Variants in DLGAP2 observed in about 807,000 individuals in gnomAD.
DLGAP2 encodes DLG associated protein 2, also known as disks large-associated protein 2.
A neutral mutation model predicts 100.3 loss-of-function variants in DLGAP2; 26 were observed. That is an observed-to-expected ratio of 0.26 (90% CI 0.19 to 0.36). The LOEUF (loss-of-function observed/expected upper bound fraction) is 0.36. DLGAP2 is among the 10% of genes least tolerant of loss of function. The pLI, the probability that DLGAP2 is intolerant of heterozygous loss-of-function variation, is 1.00. For missense variants in DLGAP2, 1,858 were observed against 1,453.2 expected, an observed-to-expected ratio of 1.28 and a Z score of -4.53; for synonymous variants, 886 against 630.1, an observed-to-expected ratio of 1.41 and a Z score of -6.08.
At chr8:783,841 G>A (rs1821765338) in intron 1 of DLGAP2, among the ~76,000 whole-genome samples, 1 of 152,166 alleles carries the variant, frequency 6.6e-6, no homozygotes, top group African/African-American at 2.4e-5. Context: ...GGTGAAGTTA[G>A]TGACTCTAAT....
At chr8:1,674,581 TCC>T (rs1563055665) in intron 10 of DLGAP2, among the ~76,000 whole-genome samples, 1 of 152,232 alleles carries the variant, frequency 6.6e-6, no homozygotes, top group Non-Finnish European at 1.5e-5. Flanking sequence ...AAACGAGTGT[TCC>T]TTTTACAAAA....
intron 2 of DLGAP2, among the ~76,000 whole-genome samples, chr8:948,731 C>G (rs979244166): frequency 6.6e-6 from 1 of 152,256 alleles, no homozygotes; most frequent in Non-Finnish European, 1.5e-5. Flanking sequence ...ACCCTTCTCA[C>G]TGCCCCTGGG....
At chr8:740,615 C>G (rs1177200561) in intron 1 of DLGAP2, among the ~76,000 whole-genome samples, 1 of 152,064 alleles carries the variant, frequency 6.6e-6, no homozygotes, top group Non-Finnish European at 1.5e-5. Flanking sequence ...TTCTGTGTAC[C>G]CAGAACCCAA....
At chr8:1,686,403 C>T (rs1799115973) in intron 12 of DLGAP2, among the ~76,000 whole-genome samples, 1 of 152,206 alleles carries the variant, frequency 6.6e-6, no homozygotes, top group Non-Finnish European at 1.5e-5. Flanking sequence ...CGCAGTGGCT[C>T]ATGCCTGTAA....
chr8:1,698,211 CAG>C (rs1799453142), intron 14 of DLGAP2, among the ~76,000 whole-genome samples: 3 of 152,178 alleles, frequency 2.0e-5, no homozygotes, highest in African/African-American at 7.2e-5. Context: ...TCCCAGACGA[CAG>C]GGGAGTGAGG....
chr8:1,132,903 T>C lies in DLGAP2; in HGVS notation c.74-125948T>C, dbSNP rs28589535. Among the ~76,000 whole-genome samples the C allele has an allele frequency of 4.1e-3, 624 of 152,302 alleles. 2 individuals are homozygous for C. The highest frequency in any genetic ancestry group is 6.6e-3 in the Non-Finnish European group (446 of 68,018). On this transcript the variant is annotated intron_variant, in intron 2 of 14. Coordinates refer to ENST00000637795, the MANE Select transcript of DLGAP2 (RefSeq NM_001346810.2). ...AAGAAGAGAAGCTTTGTTTAAAAAT[T>C]TGGGGGTCAACAGAAAAATGTTAAC... is the stretch of plus-strand genomic sequence containing the variant.
At chr8:1,275,859 T>TATAAATATATATAATAA (rs1563056313) in intron 3 of DLGAP2, among the ~76,000 whole-genome samples, 65 of 119,982 alleles carry the variant, frequency 5.4e-4, no homozygotes, top group African/African-American at 1.9e-3. Context: ...ATATATAATA[T>TATAAATATATATAATAA]ATAAATATAT....
At chr8:1,255,885 C>G (rs1373552517) in intron 2 of DLGAP2, among the ~76,000 whole-genome samples, 1 of 116,446 alleles carries the variant, frequency 8.6e-6, no homozygotes, top group African/African-American at 4.2e-5. Flanking sequence ...CTCATCCTGC[C>G]TGGGTGCTAT....
At chr8:1,410,123 G>C (rs1796686340) in intron 3 of DLGAP2, among the ~76,000 whole-genome samples, 1 of 152,158 alleles carries the variant, frequency 6.6e-6, no homozygotes, top group African/African-American at 2.4e-5. Context: ...CTGACACCAA[G>C]TGCCCAAGGG....
intron 2 of DLGAP2, among the ~76,000 whole-genome samples, chr8:1,215,306 T>G (rs1170047014): frequency 6.6e-6 from 1 of 152,228 alleles, no homozygotes; most frequent in Non-Finnish European, 1.5e-5. Flanking sequence ...GTCAGCACCT[T>G]CTGAGCATGA....
chr8:1,229,731 A>C (rs1248162199), intron 2 of DLGAP2, among the ~76,000 whole-genome samples: 1 of 152,242 alleles, frequency 6.6e-6, no homozygotes, highest in East Asian at 1.9e-4. Context: ...AAATCAATAA[A>C]TGCAGTTCAC....
intron 6 of DLGAP2, among the ~76,000 whole-genome samples, chr8:1,577,224 AAC>A (rs58858127): frequency 0.39 from 59,968 of 151,900 alleles, 11,958 homozygotes; most frequent in East Asian, 0.51. Context: ...TTAAAATCAC[AAC>A]ACACTTTTTA....
At chr8:1,482,611 C>T (rs1799127219) in intron 3 of DLGAP2, among the ~76,000 whole-genome samples, 1 of 152,258 alleles carries the variant, frequency 6.6e-6, no homozygotes, top group South Asian at 2.1e-4. Context: ...ACGGGGTGGG[C>T]GGCTTGCTCG....
intron 2 of DLGAP2, among the ~76,000 whole-genome samples, chr8:1,024,610 C>A (rs1193484388): frequency 2.0e-5 from 3 of 152,186 alleles, no homozygotes; most frequent in Admixed American, 2.0e-4. Flanking sequence ...GAGCTTTACT[C>A]CCTCATGCTC....
chr8:1,210,924 CCCAGCAATCAATG>C (rs79577781), intron 2 of DLGAP2, among the ~76,000 whole-genome samples: 23,026 of 152,172 alleles, frequency 0.15, 2,045 homozygotes, highest in Admixed American at 0.21. Flanking sequence ...TGCCCTTCTG[CCCAGCAATCAATG>C]CCATTTTCCA....
At chr8:1,242,110 C>T (rs920118855) in intron 2 of DLGAP2, among the ~76,000 whole-genome samples, 1 of 152,134 alleles carries the variant, frequency 6.6e-6, no homozygotes, top group Non-Finnish European at 1.5e-5. Flanking sequence ...CTAAAGGCAC[C>T]ATGGCAGGAA....
chr8:1,681,490 A>ATAAT (rs1160073495), intron 12 of DLGAP2, among the ~76,000 whole-genome samples: 1 of 151,950 alleles, frequency 6.6e-6, no homozygotes, highest in African/African-American at 2.4e-5. Context: ...AATAATAATA[A>ATAAT]TAATTAACAT....
intron 2 of DLGAP2, among the ~76,000 whole-genome samples, chr8:980,717 G>T (rs754473222): frequency 6.6e-6 from 1 of 152,138 alleles, no homozygotes; most frequent in African/African-American, 2.4e-5. Flanking sequence ...GCTGGGTTCC[G>T]GGAGGACACG....
At chr8:916,605 A>G (rs1421019729) in intron 2 of DLGAP2, among the ~76,000 whole-genome samples, 1 of 152,238 alleles carries the variant, frequency 6.6e-6, no homozygotes, top group African/African-American at 2.4e-5. Flanking sequence ...ATGTATACAT[A>G]TGTAACAAAC....
Sources: allele counts gnomAD v4.1 joint callset (sites outside exome capture counted in the v4.1 genomes callset), GRCh38; gene constraint gnomAD v4.1.1; transcripts MANE v1.5; gene names NCBI Gene and HGNC (gene_info 2026-07-23, HGNC 2026-07-21).